EIF4E2: variants seen among roughly 807,000 people sequenced by gnomAD.
EIF4E2 encodes eukaryotic translation initiation factor 4E family member 2.
In EIF4E2, 13 loss-of-function variants were observed where a neutral mutation model predicts 34.2. The ratio of observed to expected loss-of-function variants is 0.38; its 90% CI spans 0.25 to 0.60. The LOEUF (loss-of-function observed/expected upper bound fraction) is 0.60. EIF4E2 is among the 20% of genes least tolerant of loss of function. EIF4E2 has a pLI of 0.62. For missense variants in EIF4E2, 222 were observed against 315.1 expected (o/e 0.70, Z 2.24); for synonymous variants, 100 against 106.6 (o/e 0.94, Z 0.38).
In EIF4E2 at chr2:232,576,016, C is replaced by T. The variant is rs188108302; in HGVS notation, c.666-4888C>T. Among the ~76,000 whole-genome samples the T allele has an allele frequency of 7.8e-3, 1,180 of 152,120 alleles. 12 individuals are homozygous for T. The highest frequency in any genetic ancestry group is 0.026 in the African/African-American group (1,068 of 41,498). ...GTCAAGAGATCGAGACCATCCTGGC[C>T]AACATGGTGAAACCCCGTCTCTACT... On this transcript the variant is annotated intron_variant, in intron 6 of 6. Coordinates refer to the EIF4E2 transcript ENST00000409098.
At chr2:232,573,706 C>T (rs774779584), downstream of EIF4E2, 71 of 186,852 alleles carry the variant, frequency 3.8e-4, no homozygotes, top group Non-Finnish European at 7.6e-4. Context: ...ACTTAAGAAA[C>T]AGGTGGAACC....
At chr2:232,556,331 A>G (rs1357105391) in intron 1 of EIF4E2, 85 bp from the exon 2 acceptor site, 1 of 1,062,630 alleles carries the variant, frequency 9.4e-7, no homozygotes, top group East Asian at 2.5e-5. Context: ...TTGGTTACAT[A>G]GTAGTTCGTA....
intron 1 of EIF4E2, chr2:232,551,264 A>AT (rs1428863489): frequency 4.2e-6 from 2 of 472,716 alleles, no homozygotes; most frequent in Non-Finnish European, 8.8e-6. Context: ...TGGCTTAGGA[A>AT]TTATCTTCCT....
At chr2:232,572,619 A>G (rs1233950709), downstream of EIF4E2, among the ~76,000 whole-genome samples, 1 of 152,196 alleles carries the variant, frequency 6.6e-6, no homozygotes, top group Non-Finnish European at 1.5e-5. Flanking sequence ...CGCCTGCCTC[A>G]GCCTCCCGAA....
intron 6 of EIF4E2, among the ~76,000 whole-genome samples, chr2:232,579,707 TC>T (rs1693300783): frequency 6.6e-6 from 1 of 152,282 alleles, no homozygotes; most frequent in Admixed American, 6.5e-5. Flanking sequence ...GAGCTTGTAA[TC>T]CCAGCATTTT....
rs1394769167 is a variant in EIF4E2 at position 232,568,087 on chromosome 2, A to G, written c.666-858A>G. The G allele has an allele frequency of 5.1e-6, 5 of 985,306 alleles. No homozygotes were observed. The African/African-American group carries it at 7.0e-5, about 14-fold the overall frequency. The allele number at this position is 985,306 out of a possible 1,614,324, so 61.0% of individuals were successfully genotyped here. On this transcript the variant is annotated intron_variant, in intron 6 of 6. Transcript: ENST00000258416. ...ACAAGGCTATTGTGAGGCTGATTTA[A>G]TCTTTAACTGAGGGTCTTCAGATGG...
intron 6 of EIF4E2, among the ~76,000 whole-genome samples, chr2:232,580,219 G>C (rs1386243878): frequency 6.6e-6 from 1 of 152,042 alleles, no homozygotes; most frequent in East Asian, 1.9e-4. Context: ...TCTGTAAGCA[G>C]CTCTAAGTTT....
At chr2:232,557,202 G>A (rs1261423785) in intron 2 of EIF4E2, among the ~76,000 whole-genome samples, 3 of 152,126 alleles carry the variant, frequency 2.0e-5, no homozygotes, top group Admixed American at 1.3e-4. Context: ...CCGAGGTCGC[G>A]CCACTGCACT....
rs780253427 is a variant in EIF4E2 at position 232,567,113 on chromosome 2, T to C, written c.564T>C (p.Ser188=). Residue 188 remains serine (S), a synonymous_variant, in exon 6 of 7, where the codon AGT becomes AGC. Coordinates refer to ENST00000258416, the MANE Select transcript of EIF4E2 (RefSeq NM_004846.4). ...TTTCAATATGGAATAAGACTGCCAG[T>C]GACCAAGCAACCACAGCCCGAATCC... ...DIISIWNKTA[S]DQATTARIRD... 5.0e-6 allele frequency: 8 copies of C among 1,614,054 alleles called. No homozygotes were observed. The highest frequency in any genetic ancestry group is 6.8e-6 in the Non-Finnish European group (8 of 1,180,030).
intron 1 of EIF4E2, among the ~76,000 whole-genome samples, chr2:232,556,043 A>C (rs545171236): frequency 1.3e-5 from 2 of 152,320 alleles, no homozygotes; most frequent in East Asian, 3.9e-4. Context: ...GGCAAAGCAG[A>C]TAGTACGTTT....
At chr2:232,575,605 G>A (rs1409518573) in intron 6 of EIF4E2, among the ~76,000 whole-genome samples, 2 of 152,124 alleles carry the variant, frequency 1.3e-5, no homozygotes, top group African/African-American at 2.4e-5. Context: ...CTAAATATAT[G>A]TCTGTGTATG....
At position 232,569,182 on chromosome 2, in the gene EIF4E2, G is replaced by A; in HGVS notation, c.*165G>A. On this transcript the variant is annotated 3_prime_UTR_variant, in exon 7 of 7. Transcript: ENST00000258416. Reference sequence around the variant, plus strand: ...ACACGCAGCAGCTACAACAACAGCTGAGATCACTTAATAAATGGTGCTAAA... The same window carrying A: ...ACACGCAGCAGCTACAACAACAGCTAAGATCACTTAATAAATGGTGCTAAA... The A allele has an allele frequency of 1.4e-6, 2 of 1,442,786 alleles. No individual in the cohort carries two copies. Among genetic ancestry groups the A allele is most frequent in the Non-Finnish European group, 1.8e-6 (2 of 1,100,550 alleles). 89.4% of individuals were successfully genotyped at this position (1,442,786 alleles called of 1,614,324 possible).
chr2:232,568,307 C>A (rs1278206701), intron 6 of EIF4E2: 2 of 985,260 alleles, frequency 2.0e-6, no homozygotes, highest in African/African-American at 3.5e-5. Flanking sequence ...CAGCTAAGTG[C>A]CAGTTTTTAA....
intron 1 of EIF4E2, 131 bp from the exon 2 acceptor site, chr2:232,556,285 C>A: frequency 1.5e-6 from 1 of 671,490 alleles, no homozygotes. Flanking sequence ...TTTTGCCCTT[C>A]TTACATCTCA....
chr2:232,569,185 A>T lies in EIF4E2; in HGVS notation c.*168A>T. On this transcript the variant is annotated 3_prime_UTR_variant, in exon 7 of 7. Transcript: ENST00000258416. ...CGCAGCAGCTACAACAACAGCTGAG[A>T]TCACTTAATAAATGGTGCTAAACTA... 1.4e-6 allele frequency: 2 copies of T among 1,440,886 alleles called. No homozygotes were observed. The allele number at this position is 1,440,886 out of a possible 1,614,324, so 89.3% of individuals were successfully genotyped here.
At position 232,566,320 on chromosome 2, in the gene EIF4E2, G is replaced by A. The variant is rs145631030; in HGVS notation, c.376-509G>A. On this transcript the variant is annotated intron_variant, in intron 4 of 6. Transcript: ENST00000258416. The surrounding 1 kb of genome is among the most constrained non-coding windows in gnomAD (Gnocchi z 4.9). ...TCCCGCCTCAGCCTCCCGAGTAGCTGGGACTACAGGCGCCCACCACCATGC... is the reference window on the plus strand; with the variant it reads ...TCCCGCCTCAGCCTCCCGAGTAGCTAGGACTACAGGCGCCCACCACCATGC... Among the ~76,000 whole-genome samples, 442 of 152,206 alleles carry A rather than the reference G, an allele frequency of 2.9e-3. 2 individuals are homozygous for A. The highest frequency in any genetic ancestry group is 9.8e-3 in the African/African-American group (406 of 41,544).
downstream of EIF4E2, among the ~76,000 whole-genome samples, chr2:232,571,740 G>GACCA (rs1360482196): frequency 6.6e-6 from 1 of 152,132 alleles, no homozygotes; most frequent in Non-Finnish European, 1.5e-5. Flanking sequence ...TATAGGCAAG[G>GACCA]ACCAACCCAT....
At chr2:232,573,533 C>T (rs562128312), downstream of EIF4E2, among the ~76,000 whole-genome samples, 144 of 152,284 alleles carry the variant, frequency 9.5e-4, no homozygotes, top group African/African-American at 3.2e-3. Flanking sequence ...AGAGTCTTTT[C>T]TCTGTAAGCG....
In EIF4E2 at chr2:232,556,499, G is replaced by C; in HGVS notation, c.104G>C (p.Arg35Pro). The stretch of plus-strand genomic sequence containing the variant: ...GATGGTGAGAAGGAAAAAACGGAAC[G>C]AGACAAGAATCAGAGCAGTAGCAAG... Reference protein sequence around the residue: ...QKDGEKEKTERDKNQSSSKRK... With the variant: ...QKDGEKEKTEPDKNQSSSKRK... Residue 35 changes from arginine to proline, a missense_variant, in exon 2 of 7, where the codon CGA becomes CCA. Around this residue, in one of 3 missense-constraint regions of EIF4E2, gnomAD observed 87 missense variants for 93.6 expected, o/e 0.93. Transcript: ENST00000258416. The C allele has an allele frequency of 6.2e-7, 1 of 1,613,266 alleles. No homozygotes were observed. Among genetic ancestry groups the C allele is most frequent in the South Asian group, 1.1e-5 (1 of 90,766 alleles).
Sources: allele counts gnomAD v4.1 joint callset (sites outside exome capture counted in the v4.1 genomes callset), GRCh38; gene constraint gnomAD v4.1.1; regional missense constraint gnomAD v4.1.1; non-coding constraint Gnocchi (gnomAD v3.1); transcripts MANE v1.5; gene names NCBI Gene and HGNC (gene_info 2026-07-23, HGNC 2026-07-21).